Variants in FGF14 observed in about 807,000 individuals in gnomAD.
FGF14 encodes fibroblast growth factor homologous factor 4.
Under a neutral mutation model 25.5 loss-of-function variants are expected in FGF14, and 5 were observed. The ratio of observed to expected loss-of-function variants is 0.20; its 90% CI spans 0.10 to 0.41. The LOEUF (loss-of-function observed/expected upper bound fraction) is 0.41, where lower values mean the gene tolerates loss of function less well. Ranked by LOEUF, FGF14 falls within the 10% of genes least tolerant of loss-of-function variation. The probability of loss-of-function intolerance (pLI) is 1.00; values close to 1 mark genes in which losing one functional copy is unlikely to be tolerated. For synonymous variants in FGF14, 138 were observed against 118.3 expected (o/e 1.17, Z -1.08); for missense variants, 222 against 320.1 (o/e 0.69, Z 2.34).
intron 1 of FGF14, among the ~76,000 whole-genome samples, chr13:102,339,696 G>C (rs1193730346): frequency 6.6e-6 from 1 of 152,034 alleles, no homozygotes; most frequent in Non-Finnish European, 1.5e-5. Context: ...CAATCCAAAA[G>C]GAGGATAGAA....
At chr13:102,062,001 A>C (rs969641595) in intron 1 of FGF14, among the ~76,000 whole-genome samples, 1 of 152,216 alleles carries the variant, frequency 6.6e-6, no homozygotes. Flanking sequence ...GTCAACACCC[A>C]GAAATATGAG....
intron 1 of FGF14, among the ~76,000 whole-genome samples, chr13:101,894,789 A>G (rs1219929062): frequency 6.6e-6 from 1 of 152,188 alleles, no homozygotes; most frequent in Non-Finnish European, 1.5e-5. Flanking sequence ...ACTTAGTAGC[A>G]ATGGTGTCAG....
intron 3 of FGF14, among the ~76,000 whole-genome samples, chr13:101,807,199 T>A (rs1322703): frequency 1.3e-5 from 2 of 152,044 alleles, no homozygotes; most frequent in African/African-American, 4.8e-5. Context: ...AAATTATATT[T>A]TTTTATCTAT....
intron 1 of FGF14, among the ~76,000 whole-genome samples, chr13:102,387,786 CA>C (rs1177463457): frequency 6.6e-6 from 1 of 152,110 alleles, no homozygotes; most frequent in East Asian, 1.9e-4. Context: ...GGCTGGAGTG[CA>C]GTGGCACAAT....
chr13:102,029,565 G>A (rs1566593138), intron 1 of FGF14, among the ~76,000 whole-genome samples: 1 of 152,032 alleles, frequency 6.6e-6, no homozygotes, highest in Non-Finnish European at 1.5e-5. Flanking sequence ...TAAACTATAA[G>A]ATCTCTACTG....
At chr13:101,801,394 TTGGAGTATCAAGTCTC>T (rs2040861423) in intron 3 of FGF14, among the ~76,000 whole-genome samples, 2 of 152,132 alleles carry the variant, frequency 1.3e-5, no homozygotes, top group South Asian at 4.1e-4. Flanking sequence ...ATTTTGGGCT[TTGGAGTATCAAGTCTC>T]TTGCAACTCC....
intron 1 of FGF14, among the ~76,000 whole-genome samples, chr13:102,145,603 CCA>C (rs1442312340): frequency 2.0e-5 from 3 of 152,228 alleles, no homozygotes; most frequent in African/African-American, 7.2e-5. Flanking sequence ...CTTCAGTGTA[CCA>C]GTTACACCTG....
At chr13:102,071,160 C>G (rs2041357563) in intron 1 of FGF14, among the ~76,000 whole-genome samples, 1 of 152,160 alleles carries the variant, frequency 6.6e-6, no homozygotes, top group Non-Finnish European at 1.5e-5. Flanking sequence ...AATAACCAAA[C>G]AAGGGTTATC....
chr13:101,788,965 G>GAGAGAGAGAGAC (rs2040073837), intron 3 of FGF14, among the ~76,000 whole-genome samples: 1 of 80,606 alleles, frequency 1.2e-5, no homozygotes, highest in Non-Finnish European at 2.8e-5. Flanking sequence ...GAGAGAGAGA[G>GAGAGAGAGAGAC]AGAGACAGAG....
At chr13:101,941,897 A>C (rs2035477994) in intron 1 of FGF14, among the ~76,000 whole-genome samples, 1 of 152,106 alleles carries the variant, frequency 6.6e-6, no homozygotes, top group Admixed American at 6.6e-5. Flanking sequence ...CATGGTAATC[A>C]TTTCTTTTGC....
intron 1 of FGF14, among the ~76,000 whole-genome samples, chr13:101,999,376 T>C (rs1440941160): frequency 5.3e-5 from 8 of 152,142 alleles, no homozygotes; most frequent in Non-Finnish European, 1.2e-4. Context: ...GCCCACAGCA[T>C]CAGCTGTTTC....
At chr13:102,026,647 T>C (rs1417451971) in intron 1 of FGF14, among the ~76,000 whole-genome samples, 1 of 152,020 alleles carries the variant, frequency 6.6e-6, no homozygotes, top group Non-Finnish European at 1.5e-5. Flanking sequence ...ACACATTTAA[T>C]CCAGTTAAAT....
intron 3 of FGF14, among the ~76,000 whole-genome samples, chr13:101,788,899 TATATATATATAGAGAGAGAGAGAGAG>T (rs1290875491): frequency 1.1e-4 from 5 of 47,354 alleles, no homozygotes; most frequent in Admixed American, 3.1e-4. Flanking sequence ...TATATATATA[TATATATATATAGAGAGAGAGAGAGAG>T]AGAGAGAGAG....
At chr13:102,063,953 A>G (rs1297344479) in intron 1 of FGF14, among the ~76,000 whole-genome samples, 1 of 152,198 alleles carries the variant, frequency 6.6e-6, no homozygotes, top group African/African-American at 2.4e-5. Context: ...AGACATTTCC[A>G]TTTAAGTAAA....
chr13:102,315,418 T>C (rs771557215), intron 1 of FGF14, among the ~76,000 whole-genome samples: 55 of 152,228 alleles, frequency 3.6e-4, no homozygotes, highest in Admixed American at 1.1e-3. Context: ...CCCTCCCCTG[T>C]AGGCAATGCC....
chr13:101,995,889 T>C (rs1011466436), intron 1 of FGF14, among the ~76,000 whole-genome samples: 1 of 152,118 alleles, frequency 6.6e-6, no homozygotes, highest in Non-Finnish European at 1.5e-5. Flanking sequence ...GAGTTAGGAA[T>C]AGTTAAAGCA....
At chr13:102,176,050 A>G (rs1370938440) in intron 1 of FGF14, among the ~76,000 whole-genome samples, 1 of 152,136 alleles carries the variant, frequency 6.6e-6, no homozygotes, top group Non-Finnish European at 1.5e-5. Flanking sequence ...CACTTCATCC[A>G]GCAATCCCAC....
At chr13:101,822,889 C>CCATCTGG (rs1458882469) in intron 3 of FGF14, among the ~76,000 whole-genome samples, 40 of 152,204 alleles carry the variant, frequency 2.6e-4, no homozygotes, top group Admixed American at 7.2e-4. Context: ...CTGTCCACAA[C>CCATCTGG]TATCTTTCCC....
intron 3 of FGF14, among the ~76,000 whole-genome samples, chr13:101,742,516 G>A (rs2036618526): frequency 6.6e-6 from 1 of 152,040 alleles, no homozygotes; most frequent in Non-Finnish European, 1.5e-5. Flanking sequence ...TCCCACCCCA[G>A]CATCTTACTA....
Sources: allele counts gnomAD v4.1 joint callset (sites outside exome capture counted in the v4.1 genomes callset), GRCh38; gene constraint gnomAD v4.1.1; transcripts MANE v1.5; gene names NCBI Gene and HGNC (gene_info 2026-07-23, HGNC 2026-07-21).